The following MARCHF7 variants were observed in gnomAD, a reference collection of about 807,000 sequenced individuals.
The protein encoded by MARCHF7 is membrane associated ring-CH-type finger 7, also known as E3 ubiquitin-protein ligase MARCHF7.
A neutral mutation model predicts 76.5 loss-of-function variants in MARCHF7; 20 were observed. The observed-to-expected ratio is 0.26, with a 90% CI of 0.18 to 0.38. The LOEUF is 0.38. Ranked by LOEUF, MARCHF7 falls within the 10% of genes least tolerant of loss-of-function variation. MARCHF7 has a pLI of 1.00. For missense variants in MARCHF7, 797 were observed against 812.9 expected, an observed-to-expected ratio of 0.98 and a Z score of 0.24; for synonymous variants, 295 against 293.0, an observed-to-expected ratio of 1.01 and a Z score of -0.07.
chr2:159,770,306 G>GC lies in MARCHF7; in HGVS notation c.*2965dup, dbSNP rs1175846324. 1 of 152,142 alleles carries GC rather than the reference G, an allele frequency of 6.6e-6. No homozygotes were observed. The highest frequency in any genetic ancestry group is 1.9e-4 in the East Asian group (1 of 5,194). 9.4% of individuals were successfully genotyped at this position (152,142 alleles called of 1,614,324 possible). ...TAAAGCTCTTACAGAGCATGCTTGT[G>GC]CTTGTGTAACAGCTGGTGTAATGCC... is the stretch of plus-strand genomic sequence containing the variant. On this transcript the variant is annotated 3_prime_UTR_variant, in exon 12 of 12. Coordinates refer to ENST00000409175, the MANE Select transcript of MARCHF7 (RefSeq NM_001282805.2).
Position 159,768,444 on chromosome 2 carries a change from G to A in MARCHF7, c.*1102G>A, listed in dbSNP as rs2125780742. On this transcript the variant is annotated 3_prime_UTR_variant, in exon 12 of 12. Coordinates refer to ENST00000409175, the MANE Select transcript of MARCHF7 (RefSeq NM_001282805.2). ...AAACACCTTAAGGTCTGATGTTATGGCAACAAACTACTTTTTCAAACCTAA... is the reference window on the plus strand; with the variant it reads ...AAACACCTTAAGGTCTGATGTTATGACAACAAACTACTTTTTCAAACCTAA... 1 of 152,598 alleles carries A rather than the reference G, an allele frequency of 6.6e-6. No homozygotes were observed. Among genetic ancestry groups the A allele is most frequent in the South Asian group, 2.1e-4 (1 of 4,816 alleles). 9.5% of individuals were successfully genotyped at this position (152,598 alleles called of 1,614,324 possible).
rs181495548 is a variant in MARCHF7 at position 159,767,466 on chromosome 2, T to G, written c.*124T>G. On this transcript the variant is annotated 3_prime_UTR_variant, in exon 12 of 12. Transcript: ENST00000409175. ...ATTGACTATATATAAAATGAATATA[T>G]ACATACACATGTATGCCTGTATATA... 3,104 of 627,642 alleles carry G rather than the reference T, an allele frequency of 4.9e-3. 16 individuals are homozygous for G. Among genetic ancestry groups the G allele is most frequent in the Non-Finnish European group, 6.0e-3 (2,171 of 362,778 alleles). The allele number at this position is 627,642 out of a possible 1,614,324, so 38.9% of individuals were successfully genotyped here. A position where few individuals can be genotyped will look rare whatever the true frequency, so the allele number is the denominator to read the frequency against.
rs1030592570 is a variant in MARCHF7, at chr2:159,748,451, T to C, written c.1161T>C (p.Ser387=). 7 of 1,614,180 alleles carry C rather than the reference T, an allele frequency of 4.3e-6. No individual in the cohort carries two copies. Among genetic ancestry groups the C allele is most frequent in the Non-Finnish European group, 5.1e-6 (6 of 1,180,024 alleles). The change falls in exon 7 of 12, where the codon TCT becomes TCC. Residue 387 remains serine (S), a synonymous_variant. Coordinates refer to ENST00000409175, the MANE Select transcript of MARCHF7 (RefSeq NM_001282805.2). The stretch of plus-strand genomic sequence containing the variant: ...GTAGAAATACAGGACCATGGTTATC[T>C]TCCTCACTTAGAAATAGATGCACAC... The part of the protein sequence containing the change: ...SEGRNTGPWL[S]SSLRNRCTPL...
chr2:159,762,169 T>C (rs1167770567), intron 9 of MARCHF7, among the ~76,000 whole-genome samples: 2 of 152,220 alleles, frequency 1.3e-5, no homozygotes, highest in African/African-American at 2.4e-5. Flanking sequence ...TGAACAACTT[T>C]TGTTATCTCT....
At chr2:159,743,284 C>T (rs770645275) in intron 5 of MARCHF7, 31 bp downstream of exon 5, 2 of 1,582,928 alleles carry the variant, frequency 1.3e-6, no homozygotes, top group Middle Eastern at 1.7e-4. Context: ...GTATTTTAAG[C>T]CGTTTTTCTC....
At chr2:159,744,935 G>A (rs1026294811) in intron 5 of MARCHF7, among the ~76,000 whole-genome samples, 6 of 152,060 alleles carry the variant, frequency 3.9e-5, no homozygotes, top group Admixed American at 1.3e-4. Flanking sequence ...ATAAAATTAC[G>A]ATAACTGTAA....
chr2:159,719,757 T>C (rs1701426103), intron 3 of MARCHF7, among the ~76,000 whole-genome samples: 2 of 152,200 alleles, frequency 1.3e-5, no homozygotes, highest in Non-Finnish European at 2.9e-5. Flanking sequence ...TGATTTTTTT[T>C]CCTTGCATTT....
At chr2:159,723,600 C>T (rs781700107) in intron 3 of MARCHF7, among the ~76,000 whole-genome samples, 1 of 152,168 alleles carries the variant, frequency 6.6e-6, no homozygotes. Flanking sequence ...TGTGCTTATA[C>T]TGTTATTTCA....
chr2:159,742,989 T>G (rs891419577), intron 4 of MARCHF7, 72 bp from the exon 5 acceptor site: 1 of 1,291,030 alleles, frequency 7.7e-7, no homozygotes, highest in African/African-American at 1.5e-5. Context: ...GGGAATTTAT[T>G]AGAGGACTGT....
In MARCHF7 at chr2:159,742,704, C is replaced by T. The variant is rs114038572; in HGVS notation, c.154-357C>T. Among the ~76,000 whole-genome samples the T allele has an allele frequency of 3.5e-3, 533 of 152,068 alleles. 2 individuals carry two copies. Among genetic ancestry groups the T allele is most frequent in the African/African-American group, 0.012 (483 of 41,486 alleles). On this transcript the variant is annotated intron_variant, in intron 4 of 11. Transcript: ENST00000409175. ...GGCTCGTGCCTGTAATCCCAGCGGCCGAGGCAGGCAGATCATGAGGTCAGG... is the reference window on the plus strand; with the variant it reads ...GGCTCGTGCCTGTAATCCCAGCGGCTGAGGCAGGCAGATCATGAGGTCAGG...
chr2:159,748,682 A>G lies in MARCHF7; in HGVS notation c.1392A>G (p.Ser464=). ...SSSATTGGST[S]DSAQGGRNTG... ...GTGCCACAACAGGTGGCTCTACATC[A>G]GATTCGGCTCAAGGTGGAAGAAATA... Residue 464 remains serine (S), a synonymous_variant, in exon 7 of 12, where the codon TCA becomes TCG. Coordinates refer to ENST00000409175, the MANE Select transcript of MARCHF7 (RefSeq NM_001282805.2). 1 of 1,614,188 alleles carries G rather than the reference A, an allele frequency of 6.2e-7. No homozygotes were observed. Among genetic ancestry groups the G allele is most frequent in the Non-Finnish European group, 8.5e-7 (1 of 1,180,026 alleles).
intron 9 of MARCHF7, among the ~76,000 whole-genome samples, chr2:159,760,043 C>G (rs934625970): frequency 1.3e-5 from 2 of 152,322 alleles, no homozygotes; most frequent in Middle Eastern, 3.4e-3. Flanking sequence ...CAGCCGCCAT[C>G]TCTGTTTAGT....
intron 3 of MARCHF7, among the ~76,000 whole-genome samples, chr2:159,718,453 T>C (rs1701277077): frequency 6.6e-6 from 1 of 152,176 alleles, no homozygotes; most frequent in African/African-American, 2.4e-5. Flanking sequence ...ACTGGTTATT[T>C]TATGACTACT....
At chr2:159,741,198 C>A (rs775583444) in intron 4 of MARCHF7, among the ~76,000 whole-genome samples, 3 of 152,048 alleles carry the variant, frequency 2.0e-5, no homozygotes, top group Non-Finnish European at 2.9e-5. Flanking sequence ...CATGGTGAGA[C>A]CCTGTCTCTA....
intron 3 of MARCHF7, among the ~76,000 whole-genome samples, chr2:159,719,061 A>C (rs1482421326): frequency 6.6e-6 from 1 of 151,436 alleles, no homozygotes; most frequent in Admixed American, 6.6e-5. Flanking sequence ...CACAACCTTC[A>C]CCTCCCCAGG....
intron 3 of MARCHF7, among the ~76,000 whole-genome samples, chr2:159,726,245 T>C (rs1702155534): frequency 1.3e-5 from 2 of 150,672 alleles, no homozygotes; most frequent in East Asian, 3.9e-4. Context: ...TTTTGTTTTG[T>C]TTTGTTTTGT....
rs1484352645 is a variant in MARCHF7 at position 159,769,618 on chromosome 2, C to CCA, written c.*2277_*2278insAC. The CCA allele has an allele frequency of 6.7e-6, 1 of 148,460 alleles. No individual in the cohort carries two copies. The highest frequency in any genetic ancestry group is 2.0e-4 in the East Asian group (1 of 5,106). The allele number at this position is 148,460 out of a possible 1,614,324, so 9.2% of individuals were successfully genotyped here. A position where few individuals can be genotyped will look rare whatever the true frequency, so the allele number is the denominator to read the frequency against. ...CCAAGATCGAGCCACTGCACTGTAG[C>CCA]CTGGGCAGCACAGTGAGACTCCATC... is the stretch of plus-strand genomic sequence containing the variant. On this transcript the variant is annotated 3_prime_UTR_variant, in exon 12 of 12. Transcript: ENST00000409175.
At chr2:159,738,579 C>T (rs768056671) in intron 4 of MARCHF7, among the ~76,000 whole-genome samples, 7 of 152,112 alleles carry the variant, frequency 4.6e-5, no homozygotes, top group Non-Finnish European at 8.8e-5. Context: ...GTCATCCCAA[C>T]GAGTGTGTAG....
intron 5 of MARCHF7, among the ~76,000 whole-genome samples, chr2:159,744,236 C>T (rs1420833759): frequency 6.6e-6 from 1 of 151,942 alleles, no homozygotes; most frequent in Non-Finnish European, 1.5e-5. Context: ...GATCCGCCCA[C>T]CTCGGCCTCC....
Sources: allele counts gnomAD v4.1 joint callset (sites outside exome capture counted in the v4.1 genomes callset), GRCh38; gene constraint gnomAD v4.1.1; transcripts MANE v1.5; gene names NCBI Gene and HGNC (gene_info 2026-07-23, HGNC 2026-07-21).